MRAS: variants seen among roughly 807,000 people sequenced by gnomAD.
MRAS encodes ras-related protein M-Ras.
MRAS carries 4 observed loss-of-function variants against 20.9 expected under a neutral mutation model. The ratio of observed to expected loss-of-function variants is 0.19; its 90% CI spans 0.09 to 0.44. MRAS has a LOEUF of 0.44. Ranked by LOEUF, MRAS falls within the 20% of genes least tolerant of loss-of-function variation. The probability of loss-of-function intolerance (pLI) is 0.99; values close to 1 mark genes in which losing one functional copy is unlikely to be tolerated. For synonymous variants in MRAS, 98 were observed against 102.9 expected, an observed-to-expected ratio of 0.95 and a Z score of 0.29; for missense variants, 154 against 277.5, an observed-to-expected ratio of 0.56 and a Z score of 3.16.
chr3:138,384,306 C>T (rs2054965099), intron 2 of MRAS, among the ~76,000 whole-genome samples: 2 of 152,178 alleles, frequency 1.3e-5, no homozygotes, highest in Non-Finnish European at 2.9e-5. Context: ...CTGGTGTGAA[C>T]GGAACACAGA....
At chr3:138,352,487 T>A (rs1564408) in intron 1 of MRAS, among the ~76,000 whole-genome samples, 99,537 of 152,002 alleles carry the variant, frequency 0.65, 32,619 homozygotes, top group Admixed American at 0.76. Flanking sequence ...AGTCCAATCC[T>A]TATTATTTGA....
At chr3:138,373,686 A>G (rs1331258626) in intron 2 of MRAS, among the ~76,000 whole-genome samples, 1 of 152,220 alleles carries the variant, frequency 6.6e-6, no homozygotes, top group Non-Finnish European at 1.5e-5. Context: ...TAAATCTTCA[A>G]CTTCGTTATT....
chr3:138,349,811 T>A (rs1357712728), intron 1 of MRAS: 1 of 152,210 alleles, frequency 6.6e-6, no homozygotes, highest in Non-Finnish European at 1.5e-5. Flanking sequence ...AACTCCACTG[T>A]AATAACAGCA....
chr3:138,356,548 A>C (rs1453779007), intron 1 of MRAS, among the ~76,000 whole-genome samples: 1 of 152,228 alleles, frequency 6.6e-6, no homozygotes, highest in African/African-American at 2.4e-5. Context: ...AGGAGGAGAC[A>C]GGCAAAGCCG....
chr3:138,372,590 T>G (rs974929804), intron 1 of MRAS, among the ~76,000 whole-genome samples: 4 of 152,230 alleles, frequency 2.6e-5, no homozygotes, highest in African/African-American at 9.6e-5. Context: ...GGCTTTTGGC[T>G]ATACTTGCTA....
chr3:138,368,396 T>C (rs2054606724), intron 1 of MRAS, among the ~76,000 whole-genome samples: 1 of 152,186 alleles, frequency 6.6e-6, no homozygotes, highest in Non-Finnish European at 1.5e-5. Flanking sequence ...TCAGCATATC[T>C]CACACATTTT....
intron 2 of MRAS, among the ~76,000 whole-genome samples, chr3:138,373,950 TTTTG>T (rs959206952): frequency 6.6e-5 from 10 of 151,796 alleles, no homozygotes; most frequent in African/African-American, 9.7e-5. Flanking sequence ...TTGTAGGTTT[TTTTG>T]TTTGTTTGTT....
chr3:138,394,019 C>T (rs1363086899), intron 2 of MRAS, among the ~76,000 whole-genome samples: 1 of 152,070 alleles, frequency 6.6e-6, no homozygotes, highest in African/African-American at 2.4e-5. Context: ...CAGGCCTTTC[C>T]ACCCACACTT....
chr3:138,379,964 T>C (rs1018687711), intron 2 of MRAS, among the ~76,000 whole-genome samples: 2 of 152,196 alleles, frequency 1.3e-5, no homozygotes, highest in African/African-American at 4.8e-5. Context: ...AAACATTCTC[T>C]TTTCTCCACA....
chr3:138,390,135 T>C (rs1256182668), intron 2 of MRAS, among the ~76,000 whole-genome samples: 1 of 151,606 alleles, frequency 6.6e-6, no homozygotes, highest in Non-Finnish European at 1.5e-5. Context: ...TCTTGACTAT[T>C]ACATCAGAGC....
At chr3:138,350,184 G>C (rs1281800902) in intron 1 of MRAS, 1 of 152,212 alleles carries the variant, frequency 6.6e-6, no homozygotes, top group African/African-American at 2.4e-5. Context: ...CTCGGATACG[G>C]TTCTTAGAGC....
intron 5 of MRAS, among the ~76,000 whole-genome samples, chr3:138,401,529 C>T (rs1255372826): frequency 6.6e-6 from 1 of 152,190 alleles, no homozygotes; most frequent in Non-Finnish European, 1.5e-5. Flanking sequence ...TCCTGTAATC[C>T]CAGCACTCAG....
chr3:138,390,628 A>T (rs914415709), intron 2 of MRAS, among the ~76,000 whole-genome samples: 4 of 152,210 alleles, frequency 2.6e-5, no homozygotes, highest in African/African-American at 9.6e-5. Context: ...CTGGAGTCAG[A>T]ACTGCTGACA....
intron 5 of MRAS, among the ~76,000 whole-genome samples, chr3:138,401,517 A>G (rs923663776): frequency 1.3e-5 from 2 of 152,238 alleles, no homozygotes; most frequent in Admixed American, 6.5e-5. Context: ...GTAGTGGCTC[A>G]TTCCTGTAAT....
At chr3:138,351,913 C>T (rs1191162461) in intron 1 of MRAS, among the ~76,000 whole-genome samples, 4 of 152,184 alleles carry the variant, frequency 2.6e-5, no homozygotes, top group Non-Finnish European at 4.4e-5. Context: ...AAAACCAGCC[C>T]TGGATCCCAG....
At chr3:138,369,718 T>C (rs918821694) in intron 1 of MRAS, among the ~76,000 whole-genome samples, 8 of 152,280 alleles carry the variant, frequency 5.3e-5, no homozygotes, top group African/African-American at 1.9e-4. Flanking sequence ...CCCTGTGGTC[T>C]CTGAGGGTTC....
intron 2 of MRAS, among the ~76,000 whole-genome samples, chr3:138,389,266 T>C (rs1037515917): frequency 6.6e-6 from 1 of 152,036 alleles, no homozygotes; most frequent in Non-Finnish European, 1.5e-5. Context: ...AAGTATTTTT[T>C]GAGCCTTCCT....
chr3:138,357,928 A>G (rs530224629), intron 1 of MRAS, among the ~76,000 whole-genome samples: 10 of 152,242 alleles, frequency 6.6e-5, no homozygotes, highest in Middle Eastern at 3.4e-3. Context: ...CCAGGGACCA[A>G]TTTTCCTGGA....
chr3:138,358,171 C>T (rs2054372166), intron 1 of MRAS, among the ~76,000 whole-genome samples: 1 of 151,956 alleles, frequency 6.6e-6, no homozygotes, highest in South Asian at 2.1e-4. Context: ...CCCATCTCTA[C>T]TAAAAAAATA....
Sources: gnomAD v4.1 joint callset for allele counts (sites outside exome capture counted in the v4.1 genomes callset) on GRCh38, gnomAD v4.1.1 for gene constraint, MANE v1.5 for transcripts, NCBI Gene and HGNC (gene_info 2026-07-23, HGNC 2026-07-21) for gene names.